The following STX18 variants were observed in gnomAD, a reference collection of about 807,000 sequenced individuals.
STX18 encodes syntaxin-18.
In STX18, 40 loss-of-function variants were observed where a neutral mutation model predicts 50.1. The observed-to-expected ratio is 0.80, with a 90% confidence interval of 0.62 to 1.04. The LOEUF is 1.04. Ranked by LOEUF, STX18 falls within the 50% of genes least tolerant of loss-of-function variation. The pLI, the probability that STX18 is intolerant of heterozygous loss-of-function variation, is 0.00. For missense variants in STX18, 410 were observed against 415.8 expected, an observed-to-expected ratio of 0.99 and a Z score of 0.12; for synonymous variants, 158 against 151.8, an observed-to-expected ratio of 1.04 and a Z score of -0.30.
chr4:4,422,242 C>T (rs990085227), intron 9 of STX18, among the ~76,000 whole-genome samples: 1 of 151,230 alleles, frequency 6.6e-6, no homozygotes, highest in Non-Finnish European at 1.5e-5. Flanking sequence ...ATGGAAAAAA[C>T]AAGAAAGACA....
intron 1 of STX18, among the ~76,000 whole-genome samples, chr4:4,511,121 T>A (rs1729985007): frequency 6.6e-6 from 1 of 152,156 alleles, no homozygotes; most frequent in Non-Finnish European, 1.5e-5. Context: ...TGTATACCTA[T>A]GTAACAAACC....
chr4:4,517,773 TTTTTC>T (rs1433276369), intron 1 of STX18, among the ~76,000 whole-genome samples: 1 of 151,954 alleles, frequency 6.6e-6, no homozygotes, highest in African/African-American at 2.4e-5. Context: ...AAGTGTTTTT[TTTTTC>T]TTTATTTTTT....
rs1414203805 is a variant in STX18 at position 4,507,262 on chromosome 4, T to A, written c.168+34535A>T. 1.0e-5 allele frequency: 7 copies of A among 692,868 alleles called. No individual in the cohort carries two copies. The African/African-American group carries it at 1.1e-4, about 10-fold the overall frequency. 42.9% of individuals were successfully genotyped at this position (692,868 alleles called of 1,614,324 possible). On this transcript the variant is annotated intron_variant, in intron 1 of 10. Coordinates refer to ENST00000306200, the MANE Select transcript of STX18 (RefSeq NM_016930.4). ...ATACTTTACAGTGTACTATAAAGAG[T>A]CCGGCATCTCCCAGGCTCTTCTGGA...
At chr4:4,471,606 C>T in intron 2 of STX18, 33 bp downstream of exon 2, 1 of 1,436,290 alleles carries the variant, frequency 7.0e-7, no homozygotes, top group Non-Finnish European at 9.4e-7. Context: ...AGAACACAGT[C>T]ACCAAAGTCC....
intron 1 of STX18, among the ~76,000 whole-genome samples, chr4:4,534,506 T>A (rs1420046765): frequency 2.0e-5 from 3 of 152,228 alleles, no homozygotes; most frequent in Admixed American, 2.0e-4. Context: ...CTTCATCTAT[T>A]TTTCTCCCAT....
At chr4:4,498,179 T>A (rs912979545) in intron 1 of STX18, among the ~76,000 whole-genome samples, 4 of 152,194 alleles carry the variant, frequency 2.6e-5, no homozygotes, top group Non-Finnish European at 5.9e-5. Flanking sequence ...AAGAAAAACT[T>A]ACAACTCATG....
In STX18 at chr4:4,521,016, C is replaced by T. The variant is rs114183889; in HGVS notation, c.168+20781G>A. 5.1e-3 allele frequency among the ~76,000 whole-genome samples: 772 copies of T among 152,264 alleles called. 7 individuals carry two copies. The highest frequency in any genetic ancestry group is 0.017 in the African/African-American group (704 of 41,548). ...TTGAAGATGAAAAACATTTTCACCA[C>T]ATCCTACAAAATCCCACCTGACTTC... is the stretch of plus-strand genomic sequence containing the variant. On this transcript the variant is annotated intron_variant, in intron 1 of 10. Transcript: ENST00000306200.
chr4:4,469,952 A>G (rs1304186209), intron 2 of STX18, among the ~76,000 whole-genome samples: 1 of 152,158 alleles, frequency 6.6e-6, no homozygotes, highest in Admixed American at 6.5e-5. Context: ...AAGAATCACA[A>G]GCTTTCCCAG....
intron 1 of STX18, among the ~76,000 whole-genome samples, chr4:4,535,394 T>C (rs552496659): frequency 4.8e-4 from 73 of 152,328 alleles, no homozygotes; most frequent in African/African-American, 1.8e-3. Flanking sequence ...ATGAAAACTC[T>C]GCAGTGCTGA....
At chr4:4,433,830 C>G (rs943249286) in intron 7 of STX18, among the ~76,000 whole-genome samples, 8 of 152,172 alleles carry the variant, frequency 5.3e-5, no homozygotes, top group Non-Finnish European at 1.0e-4. Context: ...AAGACTGGAT[C>G]CCATTCTTCC....
Position 4,420,109 on chromosome 4 carries a change from G to C in STX18, c.933C>G (p.Gly311=). The C allele has an allele frequency of 6.2e-7, 1 of 1,612,702 alleles. No individual in the cohort carries two copies. Among genetic ancestry groups the C allele is most frequent in the Non-Finnish European group, 8.5e-7 (1 of 1,179,428 alleles). ...GGAAGAAGAGGATCCACACGCGGAA[G>C]CCAGCGTTGTTTTTAATGGCCTGGG... The part of the protein sequence containing the change: ...DIREAIKNNA[G]FRVWILFFLV... The change falls in exon 11 of 11, where the codon GGC becomes GGG. Residue 311 remains glycine, a synonymous_variant. Transcript: ENST00000306200. This position sits in a 1 kb window ranked among gnomAD's most constrained non-coding sequence, Gnocchi z 4.3.
chr4:4,506,369 A>G (rs141880903), intron 1 of STX18, among the ~76,000 whole-genome samples: 252 of 152,388 alleles, frequency 1.7e-3, no homozygotes, highest in Admixed American at 2.8e-3. Context: ...AGAAGGAACT[A>G]TTGATACACA....
intron 5 of STX18, among the ~76,000 whole-genome samples, chr4:4,449,584 T>C (rs1577332929): frequency 6.6e-6 from 1 of 152,338 alleles, no homozygotes; most frequent in East Asian, 1.9e-4. Context: ...CATGCTTCTT[T>C]GGCAGAAATC....
At chr4:4,479,686 C>T (rs1728362743) in intron 1 of STX18, among the ~76,000 whole-genome samples, 1 of 152,198 alleles carries the variant, frequency 6.6e-6, no homozygotes, top group Non-Finnish European at 1.5e-5. Context: ...CGCTAATTTC[C>T]TAGATCATCA....
chr4:4,437,624 G>C (rs553337207), intron 6 of STX18: 1 of 985,338 alleles, frequency 1.0e-6, no homozygotes, highest in East Asian at 1.1e-4. Flanking sequence ...GCATCTGGAA[G>C]ACAAGAGTTA....
chr4:4,491,744 T>A (rs1313868978), intron 1 of STX18, among the ~76,000 whole-genome samples: 3 of 152,162 alleles, frequency 2.0e-5, no homozygotes, highest in Non-Finnish European at 1.5e-5. Context: ...GACTGAAATG[T>A]GCCTCTCAAA....
At chr4:4,489,340 T>G (rs1482283591) in intron 1 of STX18, among the ~76,000 whole-genome samples, 2 of 150,960 alleles carry the variant, frequency 1.3e-5, no homozygotes, top group Non-Finnish European at 2.9e-5. Flanking sequence ...TGATCGTCTT[T>G]GGAGTGAACA....
At chr4:4,493,119 A>G (rs1396167903) in intron 1 of STX18, among the ~76,000 whole-genome samples, 1 of 152,234 alleles carries the variant, frequency 6.6e-6, no homozygotes, top group African/African-American at 2.4e-5. Flanking sequence ...GTAAACACCA[A>G]GTAAAGTCAA....
intron 1 of STX18, among the ~76,000 whole-genome samples, chr4:4,486,082 C>A (rs898320486): frequency 6.6e-6 from 1 of 152,204 alleles, no homozygotes; most frequent in African/African-American, 2.4e-5. Context: ...GGGTGATGTG[C>A]AATTCCTCAC....
Sources: gnomAD v4.1 joint callset for allele counts (sites outside exome capture counted in the v4.1 genomes callset) on GRCh38, gnomAD v4.1.1 for gene constraint, Gnocchi (gnomAD v3.1) non-coding constraint, MANE v1.5 for transcripts, NCBI Gene and HGNC (gene_info 2026-07-23, HGNC 2026-07-21) for gene names.